MTRF1: variants seen among roughly 807,000 people sequenced by gnomAD.
MTRF1 encodes mitochondrial translation release factor 1, also known as peptide chain release factor 1, mitochondrial.
A neutral mutation model predicts 62.9 loss-of-function variants in MTRF1; 51 were observed. That is an observed-to-expected ratio of 0.81 (90% CI 0.65 to 1.02). The LOEUF (loss-of-function observed/expected upper bound fraction) is 1.02. MTRF1 is among the 50% of genes least tolerant of loss of function. The pLI is 0.00. For synonymous variants in MTRF1, 158 were observed against 181.9 expected, an observed-to-expected ratio of 0.87 and a Z score of 1.06; for missense variants, 446 against 530.0, an observed-to-expected ratio of 0.84 and a Z score of 1.56.
intron 6 of MTRF1, among the ~76,000 whole-genome samples, chr13:41,234,618 T>A (rs2036164503): frequency 6.6e-6 from 1 of 152,202 alleles, no homozygotes; most frequent in South Asian, 2.1e-4. Flanking sequence ...ACATATATAC[T>A]ATATATTGTT....
chr13:41,217,852 A>G (rs958137708), intron 9 of MTRF1, among the ~76,000 whole-genome samples: 1 of 152,206 alleles, frequency 6.6e-6, no homozygotes, highest in Non-Finnish European at 1.5e-5. Flanking sequence ...CAAAGTTTAG[A>G]TTATTTCATC....
chr13:41,271,700 A>C, the MTRF1 span, among the ~76,000 whole-genome samples: 2 of 152,166 alleles, frequency 1.3e-5, no homozygotes, highest in East Asian at 3.9e-4. Context: ...TGCACATCAC[A>C]GGGGTCAACC....
At chr13:41,243,515 G>A (rs564646919) in intron 5 of MTRF1, among the ~76,000 whole-genome samples, 2 of 151,934 alleles carry the variant, frequency 1.3e-5, no homozygotes, top group Admixed American at 1.3e-4. Context: ...TTGTTGCCCT[G>A]TGGGACTCTG....
chr13:41,230,490 C>T (rs2035332621), intron 7 of MTRF1, among the ~76,000 whole-genome samples: 1 of 151,664 alleles, frequency 6.6e-6, no homozygotes, highest in East Asian at 1.9e-4. Flanking sequence ...TCTTGAACTC[C>T]CGACCTCAGG....
the MTRF1 span, among the ~76,000 whole-genome samples, chr13:41,294,460 G>T: frequency 6.6e-6 from 1 of 150,938 alleles, no homozygotes; most frequent in Admixed American, 6.6e-5. Flanking sequence ...GGATAAAGTT[G>T]TGTTCTTTAT....
the MTRF1 span, chr13:41,311,142 C>A: frequency 8.4e-4 from 278 of 329,314 alleles, 1 homozygote; most frequent in Non-Finnish European, 1.5e-3. Flanking sequence ...AGAGCCGCAG[C>A]ACAAGGCAAA....
chr13:41,310,165 A>G, the MTRF1 span, among the ~76,000 whole-genome samples: 2 of 152,156 alleles, frequency 1.3e-5, no homozygotes, highest in South Asian at 2.1e-4. Context: ...CTAACCCTAC[A>G]CTGAATGTAT....
chr13:41,225,274 C>A (rs1320507225), intron 8 of MTRF1, among the ~76,000 whole-genome samples: 1 of 151,320 alleles, frequency 6.6e-6, no homozygotes, highest in East Asian at 1.9e-4. Context: ...CAAGTAAATC[C>A]AAATGTCTTT....
At chr13:41,228,702 T>C (rs1353544089) in intron 7 of MTRF1, among the ~76,000 whole-genome samples, 1 of 152,244 alleles carries the variant, frequency 6.6e-6, no homozygotes, top group African/African-American at 2.4e-5. Flanking sequence ...GGATAAATTT[T>C]CCCAAGAAAG....
chr13:41,271,537 C>T, the MTRF1 span, among the ~76,000 whole-genome samples: 1 of 152,130 alleles, frequency 6.6e-6, no homozygotes. Flanking sequence ...ACCATTGAGT[C>T]GTTTCCATCG....
the MTRF1 span, among the ~76,000 whole-genome samples, chr13:41,275,861 T>C: frequency 2.6e-5 from 4 of 152,202 alleles, no homozygotes; most frequent in Non-Finnish European, 5.9e-5. Flanking sequence ...TCAAAGAGCA[T>C]ATTTATGTCA....
chr13:41,273,319 C>G, the MTRF1 span, among the ~76,000 whole-genome samples: 1 of 141,388 alleles, frequency 7.1e-6, no homozygotes, highest in Non-Finnish European at 1.6e-5. Context: ...GAGCGAGACT[C>G]CGTCTCAAAA....
At chr13:41,267,269 T>G (rs747741162), upstream of MTRF1, among the ~76,000 whole-genome samples, 55 of 152,330 alleles carry the variant, frequency 3.6e-4, no homozygotes, top group Non-Finnish European at 6.8e-4. Flanking sequence ...CTTTGTTCCC[T>G]GTATCTCCTG....
At chr13:41,223,011 C>T (rs1206612064) in intron 9 of MTRF1, among the ~76,000 whole-genome samples, 1 of 152,142 alleles carries the variant, frequency 6.6e-6, no homozygotes. Flanking sequence ...TACGTTCATG[C>T]ATTGTGATTG....
At chr13:41,278,400 T>A in the MTRF1 span, among the ~76,000 whole-genome samples, 2 of 151,596 alleles carry the variant, frequency 1.3e-5, no homozygotes, top group South Asian at 2.1e-4. Flanking sequence ...TGTTACAGAG[T>A]TTTTGTGAGT....
chr13:41,273,341 AG>A, the MTRF1 span, among the ~76,000 whole-genome samples: 3 of 148,428 alleles, frequency 2.0e-5, no homozygotes, highest in African/African-American at 7.5e-5. Context: ...AAAAAAAAAA[AG>A]TTTAGAGGCA....
intron 8 of MTRF1, 100 bp downstream of exon 8, chr13:41,226,332 C>T: frequency 1.6e-6 from 2 of 1,250,866 alleles, no homozygotes; most frequent in Non-Finnish European, 2.2e-6. Flanking sequence ...TCTCTATGCT[C>T]TAAAACATTC....
the MTRF1 span, among the ~76,000 whole-genome samples, chr13:41,306,131 C>A: frequency 6.6e-6 from 1 of 151,984 alleles, no homozygotes; most frequent in Non-Finnish European, 1.5e-5. Context: ...GCCTGTAATC[C>A]CAGCACTTTG....
chr13:41,311,211 C>A, the MTRF1 span: 31 of 483,640 alleles, frequency 6.4e-5, no homozygotes, highest in East Asian at 1.2e-3. Context: ...CGCCAAAGGG[C>A]GCTCCGCGCA....
Sources: gnomAD v4.1 joint callset for allele counts (sites outside exome capture counted in the v4.1 genomes callset) on GRCh38, gnomAD v4.1.1 for gene constraint, MANE v1.5 for transcripts, NCBI Gene and HGNC (gene_info 2026-07-23, HGNC 2026-07-21) for gene names.